The following ARLN variants were observed in gnomAD, a reference collection of about 807,000 sequenced individuals.
ARLN encodes the protein sarcoplasmic/endoplasmic reticulum calcium ATPase regulator ARLN.
At chr4:119,300,673 CTG>C in the ARLN span, 1 of 1,545,390 alleles carries the variant, frequency 6.5e-7, no homozygotes, top group Middle Eastern at 1.7e-4. Flanking sequence ...GGAATGCACT[CTG>C]AACCTACTCT....
the ARLN span, among the ~76,000 whole-genome samples, chr4:119,303,354 C>G: frequency 4.0e-5 from 6 of 151,758 alleles, no homozygotes; most frequent in Non-Finnish European, 8.8e-5. Flanking sequence ...CCTGCCTCAG[C>G]CTCCTGAGTA....
the ARLN span, chr4:119,300,511 C>A: frequency 6.2e-7 from 1 of 1,614,160 alleles, no homozygotes; most frequent in Non-Finnish European, 8.5e-7. Flanking sequence ...TCTCGACCAT[C>A]AACACCCGGT....
the ARLN span, chr4:119,300,701 G>A: frequency 5.2e-6 from 8 of 1,528,928 alleles, no homozygotes; most frequent in East Asian, 7.4e-5. Flanking sequence ...GCGCGCAGGC[G>A]CCTGGCTCGG....
the ARLN span, chr4:119,298,845 T>C: frequency 8.3e-6 from 6 of 723,040 alleles, no homozygotes; most frequent in Admixed American, 1.3e-4. Flanking sequence ...ACTTTATGCC[T>C]ATTTACATAT....
the ARLN span, chr4:119,300,278 A>C: frequency 7.1e-7 from 1 of 1,416,200 alleles, no homozygotes; most frequent in Non-Finnish European, 9.8e-7. Flanking sequence ...CCCGCCCAAA[A>C]GCGAGCAAAT....
the ARLN span, among the ~76,000 whole-genome samples, chr4:119,298,934 C>CAA: frequency 2.0e-5 from 3 of 151,456 alleles, no homozygotes; most frequent in Non-Finnish European, 4.4e-5. Context: ...GTCATAAAAA[C>CAA]ACACACACAC....
At chr4:119,301,486 A>C in the ARLN span, among the ~76,000 whole-genome samples, 1 of 152,130 alleles carries the variant, frequency 6.6e-6, no homozygotes, top group African/African-American at 2.4e-5. Flanking sequence ...TGTGAGCCTC[A>C]GCAAGAACAG....
chr4:119,298,513 A>G, the ARLN span: 2 of 373,106 alleles, frequency 5.4e-6, no homozygotes, highest in East Asian at 8.3e-5. Context: ...TTTTATATTC[A>G]GCCCCTGTAA....
chr4:119,297,459 C>A, the ARLN span: 1 of 152,160 alleles, frequency 6.6e-6, no homozygotes, highest in Non-Finnish European at 1.5e-5. Flanking sequence ...GGAATATTTT[C>A]TTTTTGAGAC....
At chr4:119,303,229 T>C in the ARLN span, among the ~76,000 whole-genome samples, 1 of 122,894 alleles carries the variant, frequency 8.1e-6, no homozygotes, top group East Asian at 2.5e-4. Context: ...TTCTCTTCAA[T>C]TCTTTTTTTT....
chr4:119,296,955 A>C, the ARLN span: 4 of 152,258 alleles, frequency 2.6e-5, no homozygotes, highest in Middle Eastern at 3.2e-3. Flanking sequence ...TTATGATCGG[A>C]AGTCTGTGTG....
the ARLN span, chr4:119,297,448 A>C: frequency 6.6e-6 from 1 of 152,164 alleles, no homozygotes; most frequent in Non-Finnish European, 1.5e-5. Context: ...TAGGGCTAAC[A>C]GGAATATTTT....
At chr4:119,300,226 T>G in the ARLN span, 11 of 880,830 alleles carry the variant, frequency 1.2e-5, no homozygotes, top group African/African-American at 1.7e-5. Context: ...ACCAGCTGTG[T>G]GATCTTGGAC....
the ARLN span, among the ~76,000 whole-genome samples, chr4:119,302,785 T>A: frequency 6.6e-6 from 1 of 152,146 alleles, no homozygotes; most frequent in Non-Finnish European, 1.5e-5. Context: ...GAAGGTGGTG[T>A]ATGAAAATGC....
the ARLN span, among the ~76,000 whole-genome samples, chr4:119,302,928 T>G: frequency 6.6e-6 from 1 of 152,196 alleles, no homozygotes; most frequent in African/African-American, 2.4e-5. Context: ...AATGCAAATT[T>G]TTCGTATGCA....
At chr4:119,300,582 A>T in the ARLN span, 1 of 1,613,872 alleles carries the variant, frequency 6.2e-7, no homozygotes, top group Middle Eastern at 1.6e-4. Flanking sequence ...AAAATGCTTA[A>T]GTTCCCGGAC....
At chr4:119,297,905 C>T in the ARLN span, 1 of 152,568 alleles carries the variant, frequency 6.6e-6, no homozygotes, top group Admixed American at 6.5e-5. Flanking sequence ...ATGTAAGCTC[C>T]ATGAAGGCAA....
At chr4:119,298,482 A>G in the ARLN span, 1 of 296,290 alleles carries the variant, frequency 3.4e-6, no homozygotes, top group Non-Finnish European at 6.2e-6. Context: ...ATGAATACAC[A>G]AGACCTTTAA....
At chr4:119,300,201 C>T in the ARLN span, 1 of 722,712 alleles carries the variant, frequency 1.4e-6, no homozygotes, top group Non-Finnish European at 2.4e-6. Context: ...CCCCACCCAC[C>T]CGACTGCGCC....
Sources: gnomAD v4.1 joint callset for allele counts (sites outside exome capture counted in the v4.1 genomes callset) on GRCh38, gnomAD v4.1.1 for gene constraint, MANE v1.5 for transcripts, NCBI Gene and HGNC (gene_info 2026-07-23, HGNC 2026-07-21) for gene names.